Variants in ZNF469 observed in about 807,000 individuals in gnomAD.
The protein encoded by ZNF469 is zinc finger protein 469.
In ZNF469, 1 loss-of-function variant was observed where a neutral mutation model predicts 1.0. The observed-to-expected ratio is 1.00, with a 90% CI of 0.35 to 4.73. ZNF469 has a LOEUF of 4.73. ZNF469 is among the 30% of genes most tolerant of loss of function. The pLI is 0.16. For synonymous variants in ZNF469, 2,703 were observed against 2,363.4 expected, an observed-to-expected ratio of 1.14 and a Z score of -4.17; for missense variants, 6,100 against 5,356.3, an observed-to-expected ratio of 1.14 and a Z score of -4.33.
chr16:88,376,846 C>T, the ZNF469 span, among the ~76,000 whole-genome samples: 1 of 152,176 alleles, frequency 6.6e-6, no homozygotes, highest in African/African-American at 2.4e-5. Flanking sequence ...CCTAGGGCAG[C>T]CAGGAAGTGC....
the ZNF469 span, among the ~76,000 whole-genome samples, chr16:88,375,869 A>T: frequency 6.6e-6 from 1 of 152,210 alleles, no homozygotes; most frequent in Non-Finnish European, 1.5e-5. Flanking sequence ...GGTGGCAAAA[A>T]CGGAAGCATG....
chr16:88,431,566 G>A lies in ZNF469; in HGVS notation c.4096G>A (p.Val1366Ile), dbSNP rs1032872457. 5 of 1,550,314 alleles carry A rather than the reference G, an allele frequency of 3.2e-6. No individual in the cohort carries two copies. Among genetic ancestry groups the A allele is most frequent in the Non-Finnish European group, 4.4e-6 (5 of 1,146,998 alleles). Residue 1366 changes from valine to isoleucine, a missense_variant, in exon 3 of 3, where the codon GTT becomes ATT. Physicochemically the swap from Val to Ile is conservative, Grantham distance 29. Coordinates refer to ENST00000565624, the MANE Select transcript of ZNF469 (RefSeq NM_001367624.2). ...PAGFNRDPLG[V>I]PVAKKGPQPY... Reference sequence around the variant, plus strand: ...TGGTTTTAACAGAGACCCCTTGGGGGTTCCAGTTGCCAAAAAGGGGCCTCA... The same window carrying A: ...TGGTTTTAACAGAGACCCCTTGGGGATTCCAGTTGCCAAAAAGGGGCCTCA...
chr16:88,249,650 A>T, the ZNF469 span, among the ~76,000 whole-genome samples: 1 of 151,660 alleles, frequency 6.6e-6, no homozygotes, highest in Admixed American at 6.6e-5. Flanking sequence ...GTTAGCCAGG[A>T]TGGTCTCGAT....
chr16:88,170,169 A>C, the ZNF469 span, among the ~76,000 whole-genome samples: 1 of 152,178 alleles, frequency 6.6e-6, no homozygotes, highest in African/African-American at 2.4e-5. The surrounding 1 kb of genome is among the most constrained non-coding windows in gnomAD (Gnocchi z 4.2). Context: ...TATATTCGAC[A>C]AATGGAAATT....
chr16:88,239,484 G>T, the ZNF469 span, among the ~76,000 whole-genome samples: 1 of 148,480 alleles, frequency 6.7e-6, no homozygotes, highest in Admixed American at 6.7e-5. Flanking sequence ...TTTTCATGAT[G>T]GTCTCTCTTT....
chr16:88,279,896 T>G, the ZNF469 span, among the ~76,000 whole-genome samples: 1 of 136,734 alleles, frequency 7.3e-6, no homozygotes, highest in South Asian at 2.4e-4. Context: ...CAGTTAGTGC[T>G]GCACCACGCC....
At position 88,440,633 on chromosome 16, in the gene ZNF469, G is replaced by A. The variant is rs1013200454; in HGVS notation, c.*1301G>A. 2.0e-5 allele frequency: 3 copies of A among 152,196 alleles called. No individual in the cohort carries two copies. Among genetic ancestry groups the A allele is most frequent in the Non-Finnish European group, 2.9e-5 (2 of 68,032 alleles). The allele number at this position is 152,196 out of a possible 1,614,324, so 9.4% of individuals were successfully genotyped here. A position where few individuals can be genotyped will look rare whatever the true frequency, so the allele number is the denominator to read the frequency against. On this transcript the variant is annotated 3_prime_UTR_variant, in exon 3 of 3. Coordinates refer to ENST00000565624, the MANE Select transcript of ZNF469 (RefSeq NM_001367624.2). The stretch of plus-strand genomic sequence containing the variant: ...CCAGACCGCCTCTCTGGAAGGTGTT[G>A]TAGGCCATTCAAAACGCCTCCGGAG...
intron 1 of ZNF469, among the ~76,000 whole-genome samples, chr16:88,423,097 TG>T (rs1320024485): frequency 1.6e-5 from 2 of 125,736 alleles, no homozygotes; most frequent in African/African-American, 6.0e-5. Flanking sequence ...ATGATGATGA[TG>T]GATGGATGGG....
At chr16:88,201,897 C>T in the ZNF469 span, among the ~76,000 whole-genome samples, 1 of 152,358 alleles carries the variant, frequency 6.6e-6, no homozygotes, top group East Asian at 1.9e-4. The surrounding 1 kb of genome is among the most constrained non-coding windows in gnomAD (Gnocchi z 5.0). Flanking sequence ...CGATAACCCA[C>T]AGGTGGTGGG....
chr16:88,257,992 C>A, the ZNF469 span, among the ~76,000 whole-genome samples: 1 of 152,234 alleles, frequency 6.6e-6, no homozygotes, highest in East Asian at 1.9e-4. Context: ...TGCCCACATG[C>A]TGCAAGGGCT....
chr16:88,393,793 G>A (rs915060293), intron 1 of ZNF469, among the ~76,000 whole-genome samples: 7 of 152,244 alleles, frequency 4.6e-5, no homozygotes, highest in African/African-American at 9.6e-5. Flanking sequence ...GGTGTGCGAC[G>A]GCCATCATGG....
the ZNF469 span, among the ~76,000 whole-genome samples, chr16:88,157,921 C>T: frequency 4.3e-3 from 647 of 152,142 alleles, 5 homozygotes; most frequent in African/African-American, 0.015. Flanking sequence ...GTTCACGGGC[C>T]CCTCATCCTC....
the ZNF469 span, among the ~76,000 whole-genome samples, chr16:88,152,312 C>A: frequency 6.6e-6 from 1 of 152,372 alleles, no homozygotes; most frequent in East Asian, 1.9e-4. This position sits in a 1 kb window ranked among gnomAD's most constrained non-coding sequence, Gnocchi z 4.2. Context: ...CACGGGCAGC[C>A]ATGAGCAGCC....
chr16:88,372,446 CCAT>C, the ZNF469 span, among the ~76,000 whole-genome samples: 1 of 149,980 alleles, frequency 6.7e-6, no homozygotes, highest in East Asian at 2.0e-4. Context: ...ATCACCATCA[CCAT>C]CATCACCATC....
the ZNF469 span, among the ~76,000 whole-genome samples, chr16:88,240,733 C>T: frequency 6.6e-6 from 1 of 152,194 alleles, no homozygotes; most frequent in African/African-American, 2.4e-5. Context: ...GAGACAGGCA[C>T]ATCACCACTG....
chr16:88,262,307 C>T, the ZNF469 span, among the ~76,000 whole-genome samples: 962 of 152,302 alleles, frequency 6.3e-3, 7 homozygotes, highest in African/African-American at 0.022. This position sits in a 1 kb window ranked among gnomAD's most constrained non-coding sequence, Gnocchi z 4.3. Context: ...AAGAAACCAT[C>T]CCAGAGCGAG....
the ZNF469 span, among the ~76,000 whole-genome samples, chr16:88,165,447 G>C: frequency 1.5e-4 from 23 of 152,186 alleles, no homozygotes; most frequent in African/African-American, 5.1e-4. Flanking sequence ...GGGCTCACTC[G>C]GGCTCAACTT....
At chr16:88,202,821 G>A in the ZNF469 span, among the ~76,000 whole-genome samples, 1 of 152,312 alleles carries the variant, frequency 6.6e-6, no homozygotes, top group South Asian at 2.1e-4. Flanking sequence ...GGGGCCGGGG[G>A]TCAAGAGCAC....
the ZNF469 span, among the ~76,000 whole-genome samples, chr16:88,328,150 CTG>C: frequency 6.6e-6 from 1 of 152,254 alleles, no homozygotes; most frequent in Non-Finnish European, 1.5e-5. Context: ...GCTGCCGAGT[CTG>C]TGCTTCTCGC....
Sources: gnomAD v4.1 joint callset for allele counts (sites outside exome capture counted in the v4.1 genomes callset) on GRCh38, gnomAD v4.1.1 for gene constraint, Gnocchi (gnomAD v3.1) non-coding constraint, MANE v1.5 for transcripts, NCBI Gene and HGNC (gene_info 2026-07-23, HGNC 2026-07-21) for gene names.